Variants in ZNF667 observed in about 807,000 individuals in gnomAD.
The protein encoded by ZNF667 is zinc finger protein 667.
ZNF667 carries 13 observed loss-of-function variants against 31.8 expected under a neutral mutation model. The ratio of observed to expected loss-of-function variants is 0.41; its 90% CI spans 0.27 to 0.65. ZNF667 has a LOEUF of 0.65. Among genes scored for constraint, ZNF667 ranks in the 30% least tolerant of loss-of-function variants. The pLI, the probability that ZNF667 is intolerant of heterozygous loss-of-function variation, is 0.32. For synonymous variants in ZNF667, 228 were observed against 247.1 expected (o/e 0.92, Z 0.73); for missense variants, 642 against 725.6 (o/e 0.88, Z 1.32).
chr19:56,471,460 G>A (rs2043290602), intron 3 of ZNF667, among the ~76,000 whole-genome samples: 1 of 152,156 alleles, frequency 6.6e-6, no homozygotes, highest in Non-Finnish European at 1.5e-5. Flanking sequence ...CACTGCTGCA[G>A]GGCCTTTGAG....
chr19:56,447,759 T>C (rs1360259078), intron 6 of ZNF667, among the ~76,000 whole-genome samples: 2 of 151,910 alleles, frequency 1.3e-5, no homozygotes, highest in South Asian at 2.1e-4. Flanking sequence ...TGTGTGCCTG[T>C]AATCCCGGCT....
intron 5 of ZNF667, 63 bp from the exon 6 acceptor site, chr19:56,458,310 G>A: frequency 3.5e-6 from 5 of 1,428,558 alleles, no homozygotes; most frequent in Non-Finnish European, 4.9e-6. Context: ...TCAGAGCCAC[G>A]CTCTGCATCA....
At chr19:56,450,934 A>G (rs2042808883) in intron 6 of ZNF667, among the ~76,000 whole-genome samples, 1 of 152,198 alleles carries the variant, frequency 6.6e-6, no homozygotes, top group South Asian at 2.1e-4. Flanking sequence ...GAAAAAGAAA[A>G]GGCCACAAAA....
intron 2 of ZNF667, chr19:56,472,628 T>G (rs2043316707): frequency 6.6e-6 from 1 of 152,018 alleles, no homozygotes; most frequent in African/African-American, 2.4e-5. Flanking sequence ...CTCTACTTCA[T>G]GAACAGTAAA....
chr19:56,473,564 C>A (rs2043338650), intron 2 of ZNF667, among the ~76,000 whole-genome samples: 1 of 152,142 alleles, frequency 6.6e-6, no homozygotes, highest in South Asian at 2.1e-4. Context: ...ATTTTGCCCC[C>A]TATGGGAAAA....
chr19:56,465,962 T>C (rs1404447987), intron 3 of ZNF667, among the ~76,000 whole-genome samples: 1 of 152,240 alleles, frequency 6.6e-6, no homozygotes, highest in Non-Finnish European at 1.5e-5. Context: ...GCTTTCCTCC[T>C]GGGAGTCTGC....
chr19:56,449,709 T>C (rs966582651), intron 6 of ZNF667: 2 of 151,250 alleles, frequency 1.3e-5, no homozygotes, highest in Non-Finnish European at 2.9e-5. Context: ...AAAAGCTATT[T>C]TGAGGAAGCT....
rs773115401 is a variant in ZNF667, at chr19:56,442,584, C to A, written c.411G>T (p.Gly137=). The change falls in exon 7 of 7, where the codon GGG becomes GGT. Residue 137 remains glycine, a synonymous_variant. Coordinates refer to ENST00000504904, the MANE Select transcript of ZNF667 (RefSeq NM_001321356.2). ...KNSVLVKPKK[G]HSGKKPLKCN... ...ATTTTAAAGGTTTCTTCCCTGAATG[C>A]CCTTTCTTAGGTTTTACTAGGACTG... is the stretch of plus-strand genomic sequence containing the variant. 1 of 1,614,040 alleles carries A rather than the reference C, an allele frequency of 6.2e-7. No individual in the cohort carries two copies. Among genetic ancestry groups the A allele is most frequent in the South Asian group, 1.1e-5 (1 of 91,076 alleles).
At chr19:56,460,127 T>A (rs1221295789) in intron 5 of ZNF667, among the ~76,000 whole-genome samples, 1 of 152,192 alleles carries the variant, frequency 6.6e-6, no homozygotes, top group Non-Finnish European at 1.5e-5. Flanking sequence ...TATATGTTCA[T>A]AGCAGCATAT....
rs553898462 is a variant in ZNF667, at chr19:56,467,259, C to T, written c.-60+4440G>A. Among the ~76,000 whole-genome samples, 6 of 152,156 alleles carry T rather than the reference C, an allele frequency of 3.9e-5. No homozygotes were observed. In the South Asian group the frequency reaches 1.2e-3, roughly 32 times the overall value. Reference sequence around the variant, plus strand: ...GTGGTAGACCAGAGTTATGGCCACCCCCCCAAAGATATGGACATCCTAATC... The same window carrying T: ...GTGGTAGACCAGAGTTATGGCCACCTCCCCAAAGATATGGACATCCTAATC... On this transcript the variant is annotated intron_variant, in intron 3 of 6. Coordinates refer to ENST00000504904, the MANE Select transcript of ZNF667 (RefSeq NM_001321356.2).
At chr19:56,446,964 T>A (rs1002945196) in intron 6 of ZNF667, among the ~76,000 whole-genome samples, 1 of 152,114 alleles carries the variant, frequency 6.6e-6, no homozygotes, top group Admixed American at 6.5e-5. Flanking sequence ...CATCTCCCCA[T>A]CTTCAATGTG....
Position 56,441,482 on chromosome 19 carries a change from C to CA in ZNF667, c.1512dup (p.Gly505TrpfsTer14). 6.2e-7 allele frequency: 1 copy of CA among 1,614,194 alleles called. No individual in the cohort carries two copies. Among genetic ancestry groups the CA allele is most frequent in the Non-Finnish European group, 8.5e-7 (1 of 1,180,034 alleles). ...TGTGCACTCTGGCTGAAGGCCTTCC[C>CA]ACACTGATCACATTCATAGGGTCTA... On this transcript the variant is annotated frameshift_variant, in exon 7 of 7. Coordinates refer to ENST00000504904, the MANE Select transcript of ZNF667 (RefSeq NM_001321356.2). LOFTEE classifies it high-confidence loss of function. The surrounding 1 kb of genome is among the most constrained non-coding windows in gnomAD (Gnocchi z 4.2).
chr19:56,447,841 A>T (rs2042737334), intron 6 of ZNF667, among the ~76,000 whole-genome samples: 5 of 152,152 alleles, frequency 3.3e-5, no homozygotes, highest in Admixed American at 3.3e-4. Flanking sequence ...AGATGGTGCC[A>T]CTGCACTCCA....
chr19:56,448,638 T>A (rs1318125873), intron 6 of ZNF667, among the ~76,000 whole-genome samples: 2 of 148,790 alleles, frequency 1.3e-5, no homozygotes, highest in Admixed American at 6.7e-5. Context: ...TCAACCACAG[T>A]AAAAAAAAAA....
chr19:56,455,401 A>C (rs2042911221), intron 6 of ZNF667, among the ~76,000 whole-genome samples: 1 of 152,204 alleles, frequency 6.6e-6, no homozygotes, highest in South Asian at 2.1e-4. Context: ...TACTCACAAT[A>C]GCCACATGAC....
In ZNF667 at chr19:56,462,398, TGA is replaced by T; in HGVS notation, c.-30_-29del. The T allele has an allele frequency of 6.2e-7, 1 of 1,613,976 alleles. No homozygotes were observed. The highest frequency in any genetic ancestry group is 8.5e-7 in the Non-Finnish European group (1 of 1,179,956). On this transcript the variant is annotated 5_prime_UTR_variant, in exon 4 of 7. Coordinates refer to ENST00000504904, the MANE Select transcript of ZNF667 (RefSeq NM_001321356.2). ...TTTCCTCCCCCTTTAGGGTCCACAC[TGA>T]GAGATGGGCAGAGAGCTGGTAAGGC... is the stretch of plus-strand genomic sequence containing the variant.
At chr19:56,450,793 T>C (rs1256951383) in intron 6 of ZNF667, among the ~76,000 whole-genome samples, 3 of 152,180 alleles carry the variant, frequency 2.0e-5, no homozygotes, top group Non-Finnish European at 2.9e-5. Flanking sequence ...CAAAGTTAAA[T>C]TGTCATCAGT....
At chr19:56,470,631 G>A (rs2147834476) in intron 3 of ZNF667, among the ~76,000 whole-genome samples, 1 of 152,308 alleles carries the variant, frequency 6.6e-6, no homozygotes, top group African/African-American at 2.4e-5. Flanking sequence ...AGGCATCGGT[G>A]TGGTGAAATG....
intron 2 of ZNF667, 111 bp downstream of exon 2, chr19:56,473,901 T>C (rs1276804618): frequency 6.6e-6 from 1 of 152,238 alleles, no homozygotes; most frequent in Non-Finnish European, 1.5e-5. Flanking sequence ...AACCAGGTTA[T>C]ATGTGTGAGT....
Sources: gnomAD v4.1 joint callset for allele counts (sites outside exome capture counted in the v4.1 genomes callset) on GRCh38, gnomAD v4.1.1 for gene constraint, Gnocchi (gnomAD v3.1) non-coding constraint, MANE v1.5 for transcripts, NCBI Gene and HGNC (gene_info 2026-07-23, HGNC 2026-07-21) for gene names.